FAM135A: variants seen among roughly 807,000 people sequenced by gnomAD.
The protein encoded by FAM135A is family with sequence similarity 135 member A.
Under a neutral mutation model 146.8 loss-of-function variants are expected in FAM135A, and 79 were observed. That is an observed-to-expected ratio of 0.54 (90% CI 0.45 to 0.65). The LOEUF (loss-of-function observed/expected upper bound fraction) is 0.65, where lower values mean the gene tolerates loss of function less well. Ranked by LOEUF, FAM135A falls within the 30% of genes least tolerant of loss-of-function variation. The pLI, the probability that FAM135A is intolerant of heterozygous loss-of-function variation, is 0.00. For synonymous variants in FAM135A, 562 were observed against 603.6 expected (o/e 0.93, Z 1.01); for missense variants, 1,623 against 1,758.2 (o/e 0.92, Z 1.38).
chr6:70,472,928 T>A (rs1781897072), intron 5 of FAM135A, among the ~76,000 whole-genome samples: 1 of 152,220 alleles, frequency 6.6e-6, no homozygotes, highest in African/African-American at 2.4e-5. Flanking sequence ...TAATGTTAAC[T>A]TGGATCTCTT....
chr6:70,430,210 G>T (rs567909082), intron 4 of FAM135A, among the ~76,000 whole-genome samples: 2 of 152,000 alleles, frequency 1.3e-5, no homozygotes, highest in African/African-American at 2.4e-5. Context: ...GGTGGTGGAC[G>T]CCTGTAATCC....
chr6:70,540,130 T>G (rs117648530), intron 20 of FAM135A, among the ~76,000 whole-genome samples: 1,826 of 152,288 alleles, frequency 0.012, 23 homozygotes, highest in Non-Finnish European at 0.02. Context: ...GATAATTCAT[T>G]ATGCATCACC....
intron 10 of FAM135A, 133 bp from the exon 11 acceptor site, chr6:70,490,899 AAT>A (rs1299685538): frequency 5.9e-5 from 29 of 490,164 alleles, no homozygotes; most frequent in Admixed American, 1.7e-4. Context: ...TGTTTATGAA[AAT>A]ATGTTACCTT....
At position 70,524,702 on chromosome 6, in the gene FAM135A, G is replaced by A; in HGVS notation, c.1618G>A (p.Gly540Ser). ...AAATGATCTCATTAAATGCTTTGAA[G>A]GCAATCCTTCACATAGTCAGAAGGA... ...ASNDLIKCFE[G>S]NPSHSQKEGL... is the part of the protein sequence containing the mutation. Residue 540 changes from glycine (G) to serine (S), a missense_variant, in exon 15 of 22, where the codon GGC (glycine) becomes AGC (serine). Around this residue, in one of 7 missense-constraint regions of FAM135A, gnomAD observed 1,061 missense variants for 1,113.8 expected, o/e 0.95. Transcript: ENST00000418814. 1 of 1,550,418 alleles carries A rather than the reference G, an allele frequency of 6.4e-7. No homozygotes were observed. Among genetic ancestry groups the A allele is most frequent in the Non-Finnish European group, 8.7e-7 (1 of 1,146,580 alleles).
At chr6:70,440,740 A>C (rs1051605485) in intron 4 of FAM135A, among the ~76,000 whole-genome samples, 2 of 152,214 alleles carry the variant, frequency 1.3e-5, no homozygotes, top group Admixed American at 6.5e-5. Flanking sequence ...TGTTACCTAC[A>C]AAGAAATGAG....
At chr6:70,505,179 A>AT (rs1489229917) in intron 12 of FAM135A, among the ~76,000 whole-genome samples, 1 of 152,140 alleles carries the variant, frequency 6.6e-6, no homozygotes. Context: ...ATACTTCAGC[A>AT]TATATATTCT....
chr6:70,558,552 G>A (rs537619328), intron 21 of FAM135A, among the ~76,000 whole-genome samples: 1 of 152,336 alleles, frequency 6.6e-6, no homozygotes, highest in East Asian at 1.9e-4. Context: ...GCTCATGCCT[G>A]TAATCCCAGC....
In FAM135A at chr6:70,559,829, C is replaced by T. The variant is rs1163630301; in HGVS notation, c.4456C>T (p.Leu1486Phe). ...INALPNTADS[L>F]IGRAAHIAVL... is the part of the protein sequence containing the mutation. ...TGCATTGCCCAATACAGCTGATTCA[C>T]TCATTGGGAGAGCTGCACATATAGC... is the stretch of plus-strand genomic sequence containing the variant. Residue 1486 changes from leucine (L) to phenylalanine (F), a missense_variant, in exon 22 of 22, where the codon CTC becomes TTC. Leu to Phe is a conservative substitution (Grantham distance 22). Transcript: ENST00000418814. 1 of 1,614,084 alleles carries T rather than the reference C, an allele frequency of 6.2e-7. No homozygotes were observed. The highest frequency in any genetic ancestry group is 1.7e-5 in the Admixed American group (1 of 60,020).
intron 20 of FAM135A, among the ~76,000 whole-genome samples, chr6:70,552,732 T>C (rs920141236): frequency 2.0e-5 from 3 of 151,898 alleles, no homozygotes; most frequent in African/African-American, 7.3e-5. Context: ...CCTCCCAAAG[T>C]GCTAGGATTA....
At chr6:70,508,606 C>A (rs996230133) in intron 12 of FAM135A, among the ~76,000 whole-genome samples, 1 of 152,142 alleles carries the variant, frequency 6.6e-6, no homozygotes, top group Non-Finnish European at 1.5e-5. Context: ...CCTAACCAAG[C>A]TTTTGTTAGG....
At chr6:70,500,668 G>A (rs746790051) in intron 11 of FAM135A, among the ~76,000 whole-genome samples, 22 of 152,134 alleles carry the variant, frequency 1.4e-4, no homozygotes, top group Non-Finnish European at 2.5e-4. Flanking sequence ...GTTTTTGTGT[G>A]GGGGTCCTTT....
intron 20 of FAM135A, among the ~76,000 whole-genome samples, chr6:70,545,137 T>C (rs1798626390): frequency 2.0e-5 from 3 of 152,068 alleles, no homozygotes; most frequent in Admixed American, 2.0e-4. Flanking sequence ...AAACAATATA[T>C]ATCTATCTTA....
At chr6:70,418,783 T>G (rs1048081609) in intron 2 of FAM135A, among the ~76,000 whole-genome samples, 9 of 152,234 alleles carry the variant, frequency 5.9e-5, no homozygotes, top group Non-Finnish European at 1.3e-4. Flanking sequence ...ATAGTCGGGC[T>G]GAACCAAACC....
chr6:70,425,987 C>T (rs1053304171), intron 2 of FAM135A, among the ~76,000 whole-genome samples: 1 of 151,940 alleles, frequency 6.6e-6, no homozygotes, highest in African/African-American at 2.4e-5. Context: ...CCTGTAGTCC[C>T]AGCTACTCGG....
chr6:70,433,113 C>T (rs13198944), intron 4 of FAM135A, among the ~76,000 whole-genome samples: 20,814 of 150,288 alleles, frequency 0.14, 1,870 homozygotes, highest in Middle Eastern at 0.23. Context: ...TTTGCTCTGT[C>T]GCCCAGGCTG....
At position 70,536,084 on chromosome 6, in the gene FAM135A, A is replaced by C. The variant is rs974339361; in HGVS notation, c.3966-176A>C. The C allele has an allele frequency of 9.2e-6, 5 of 544,060 alleles. No homozygotes were observed. The East Asian group carries it at 1.6e-4, about 17-fold the overall frequency. 33.7% of individuals were successfully genotyped at this position (544,060 alleles called of 1,614,324 possible). A position where few individuals can be genotyped will look rare whatever the true frequency, so the allele number is the denominator to read the frequency against. ...ATGTAATAATGAGGATCTTCTATACATTCTCACATTTTTTCCTTCAAAATG... is the reference window on the plus strand; with the variant it reads ...ATGTAATAATGAGGATCTTCTATACCTTCTCACATTTTTTCCTTCAAAATG... On this transcript the variant is annotated intron_variant, in intron 18 of 21. Coordinates refer to ENST00000418814, the MANE Select transcript of FAM135A (RefSeq NM_001162529.3).
intron 12 of FAM135A, among the ~76,000 whole-genome samples, chr6:70,508,359 T>C (rs763216653): frequency 6.6e-6 from 1 of 152,202 alleles, no homozygotes; most frequent in Non-Finnish European, 1.5e-5. Context: ...GTATGTCTTA[T>C]AGAGAACTTG....
At chr6:70,489,452 A>G (rs1238597269) in intron 10 of FAM135A, among the ~76,000 whole-genome samples, 1 of 152,180 alleles carries the variant, frequency 6.6e-6, no homozygotes, top group African/African-American at 2.4e-5. Context: ...ATTTTTAGTT[A>G]ACAACAGAGT....
At chr6:70,497,762 C>CTTTGGTTCTGT (rs1787624356) in intron 11 of FAM135A, among the ~76,000 whole-genome samples, 1 of 148,166 alleles carries the variant, frequency 6.7e-6, no homozygotes, top group East Asian at 2.0e-4. Flanking sequence ...AATCATGTGG[C>CTTTGGTTCTGT]TTATGGATTA....
Sources: allele counts gnomAD v4.1 joint callset (sites outside exome capture counted in the v4.1 genomes callset), GRCh38; gene constraint gnomAD v4.1.1; regional missense constraint gnomAD v4.1.1; transcripts MANE v1.5; gene names NCBI Gene and HGNC (gene_info 2026-07-23, HGNC 2026-07-21).